The following SLC38A7 variants were observed in gnomAD, a reference collection of about 807,000 sequenced individuals.
The protein encoded by SLC38A7 is sodium-coupled neutral amino acid transporter 7.
In SLC38A7, 29 loss-of-function variants were observed where a neutral mutation model predicts 50.1. The observed-to-expected ratio is 0.58, with a 90% CI of 0.43 to 0.79. The LOEUF (loss-of-function observed/expected upper bound fraction) is 0.79, where lower values mean the gene tolerates loss of function less well. SLC38A7 is among the 30% of genes least tolerant of loss of function. The pLI is 0.00. For missense variants in SLC38A7, 483 were observed against 610.6 expected, an observed-to-expected ratio of 0.79 and a Z score of 2.20; for synonymous variants, 244 against 245.9, an observed-to-expected ratio of 0.99 and a Z score of 0.07.
rs910535210 is a variant in SLC38A7, at chr16:58,677,855, G to A, written c.612-431C>T. ...CACTTTTGTGTCAACATTTATGGGA[G>A]CCTTGGAGAGAGCGGAGCATGGCCC... On this transcript the variant is annotated intron_variant, in intron 5 of 11. Transcript: ENST00000219320. 4.6e-5 allele frequency among the ~76,000 whole-genome samples: 7 copies of A among 152,090 alleles called. No individual in the cohort carries two copies. The East Asian group carries it at 1.4e-3, about 29-fold the overall frequency.
intron 11 of SLC38A7, among the ~76,000 whole-genome samples, chr16:58,669,351 G>A (rs534274099): frequency 2.2e-4 from 34 of 151,976 alleles, no homozygotes; most frequent in Admixed American, 1.6e-3. Flanking sequence ...CTGACCTCGG[G>A]TGATCTGCCC....
chr16:58,680,895 C>A lies in SLC38A7; in HGVS notation c.-115-654G>T, dbSNP rs1340287601. Among the ~76,000 whole-genome samples the A allele has an allele frequency of 3.9e-5, 6 of 152,190 alleles. No individual in the cohort carries two copies. In the East Asian group the frequency reaches 1.2e-3, roughly 29 times the overall value. ...TGATTCATCCCATGCTTCTAATGCT[C>A]CCAACTCCTTTGCCGCCACCCTTTT... On this transcript the variant is annotated intron_variant, in intron 2 of 11. Transcript: ENST00000219320.
chr16:58,680,743 G>A (rs558023056), intron 2 of SLC38A7, among the ~76,000 whole-genome samples: 17 of 152,240 alleles, frequency 1.1e-4, no homozygotes, highest in Admixed American at 2.6e-4. Flanking sequence ...AGTCCAGCAC[G>A]CCTCCCGGTG....
Position 58,667,166 on chromosome 16 carries a change from C to A in SLC38A7, c.*219G>T. Reference sequence around the variant, plus strand: ...GTCCTCTATGATGTGAGACTTCCTGCCGCCATCCACGGCACTGCCAGGACT... The same window carrying A: ...GTCCTCTATGATGTGAGACTTCCTGACGCCATCCACGGCACTGCCAGGACT... On this transcript the variant is annotated 3_prime_UTR_variant, in exon 12 of 12. Coordinates refer to ENST00000219320, the MANE Select transcript of SLC38A7 (RefSeq NM_018231.3). 1 of 519,190 alleles carries A rather than the reference C, an allele frequency of 1.9e-6. No homozygotes were observed. Among genetic ancestry groups the A allele is most frequent in the Non-Finnish European group, 3.4e-6 (1 of 292,436 alleles). The allele number at this position is 519,190 out of a possible 1,614,324, so 32.2% of individuals were successfully genotyped here. A position where few individuals can be genotyped will look rare whatever the true frequency, so the allele number is the denominator to read the frequency against.
Position 58,679,942 on chromosome 16 carries a change from T to C in SLC38A7, c.185A>G (p.Asn62Ser), listed in dbSNP as rs1189654636. Reference sequence around the variant, plus strand: ...GAGTAACCCTGCACCCAGGCACGCGTTGACGACGATGAAGATGGCCCCAAG... The same window carrying C: ...GAGTAACCCTGCACCCAGGCACGCGCTGACGACGATGAAGATGGCCCCAAG... ...STLGAIFIVV[N>S]ACLGAGLLNF... is the part of the protein sequence containing the mutation. Residue 62 changes from asparagine (N) to serine (S), a missense_variant, in exon 3 of 12, where the codon AAC becomes AGC. Transcript: ENST00000219320. The C allele has an allele frequency of 3.1e-6, 5 of 1,611,900 alleles. No homozygotes were observed. Among genetic ancestry groups the C allele is most frequent in the South Asian group, 2.2e-5 (2 of 90,830 alleles).
At chr16:58,669,688 A>C (rs979272259) in intron 11 of SLC38A7, among the ~76,000 whole-genome samples, 5 of 152,012 alleles carry the variant, frequency 3.3e-5, no homozygotes, top group Non-Finnish European at 5.9e-5. Flanking sequence ...AAACAACAAC[A>C]ACCTGGCTGG....
rs1400781928 is a variant in SLC38A7 at position 58,667,355 on chromosome 16, A to G, written c.*30T>C. On this transcript the variant is annotated 3_prime_UTR_variant, in exon 12 of 12. Coordinates refer to ENST00000219320, the MANE Select transcript of SLC38A7 (RefSeq NM_018231.3). ...GAGATGGGTTCCTGCGACCAATGGC[A>G]AAGGCCTTGTGTTCCCTGGGAGGCA... The G allele has an allele frequency of 1.1e-5, 17 of 1,608,558 alleles. No homozygotes were observed. The highest frequency in any genetic ancestry group is 1.4e-5 in the Non-Finnish European group (17 of 1,175,208).
At position 58,678,716 on chromosome 16, in the gene SLC38A7, A is replaced by G. The variant is rs771694958; in HGVS notation, c.449T>C (p.Ile150Thr). The G allele has an allele frequency of 8.1e-6, 13 of 1,614,156 alleles. No homozygotes were observed. The highest frequency in any genetic ancestry group is 5.0e-5 in the Admixed American group (3 of 60,006). The change falls in exon 4 of 12, where the codon ATT (isoleucine) becomes ACT (threonine). Residue 150 changes from isoleucine to threonine, a missense_variant. Physicochemically the swap from Ile to Thr is moderately conservative, Grantham distance 89. Transcript: ENST00000219320. This position sits in a 1 kb window ranked among gnomAD's most constrained non-coding sequence, Gnocchi z 4.0. ...CTCACTCTTGTCCTGCTGGTCGCCAATGATGATTAGGAAGGCAATGCAGGT... is the reference window on the plus strand; with the variant it reads ...CTCACTCTTGTCCTGCTGGTCGCCAGTGATGATTAGGAAGGCAATGCAGGT... ...FGTCIAFLII[I>T]GDQQDKIIAV...
Position 58,671,139 on chromosome 16 carries a change from C to T in SLC38A7, c.1137G>A (p.Leu379=). The stretch of plus-strand genomic sequence containing the variant: ...TGAAGAGCGCCAGCAGCAGGGTGAG[C>T]AGGAACCAGACCAGCGTCTGCAGCA... ...RRVLQTLVWF[L]LTLLLALFIP... Residue 379 remains leucine (L), a synonymous_variant, in exon 10 of 12, where the codon CTG becomes CTA. Transcript: ENST00000219320. The T allele has an allele frequency of 3.1e-6, 5 of 1,614,012 alleles. No homozygotes were observed. Among genetic ancestry groups the T allele is most frequent in the Non-Finnish European group, 4.2e-6 (5 of 1,179,958 alleles).
chr16:58,672,699 C>T (rs555238192), intron 8 of SLC38A7, among the ~76,000 whole-genome samples: 16 of 152,144 alleles, frequency 1.1e-4, no homozygotes, highest in African/African-American at 2.2e-4. Flanking sequence ...CAGACTAGAG[C>T]GCAGTAGTGT....
intron 6 of SLC38A7, among the ~76,000 whole-genome samples, chr16:58,676,554 C>T (rs943765165): frequency 6.6e-6 from 1 of 152,228 alleles, no homozygotes; most frequent in Non-Finnish European, 1.5e-5. Context: ...GAAAAGCCCC[C>T]CTGGGGCCAA....
Position 58,679,869 on chromosome 16 carries a change from G to A in SLC38A7, c.258C>T (p.Ile86=), listed in dbSNP as rs772777147. 1.4e-5 allele frequency: 23 copies of A among 1,613,818 alleles called. No individual in the cohort carries two copies. The highest frequency in any genetic ancestry group is 1.3e-4 in the Admixed American group (8 of 60,020). The change falls in exon 3 of 12, where the codon ATC becomes ATT. Residue 86 remains isoleucine, a synonymous_variant. Transcript: ENST00000219320. The part of the protein sequence containing the change: ...FSTAGGVAAG[I]ALQMGMLVFI... ...CCAGTGCACTCACCATCTGCAGTGC[G>A]ATGCCTGCTGCCACGCCCCCCGCAG... is the stretch of plus-strand genomic sequence containing the variant.
rs5817157 is a variant in SLC38A7 at position 58,666,371 on chromosome 16, CTTTTTTTTTTTTT to C, written c.*1001_*1013del. 2.0e-5 allele frequency: 2 copies of C among 99,976 alleles called. No homozygotes were observed. 6.2% of individuals were successfully genotyped at this position (99,976 alleles called of 1,614,324 possible). ...CGTGAGCCACTGCGCCCAGCCCTGC[CTTTTTTTTTTTTT>C]TTTTTTTTTGTCTCTGGGTAGTCAC... is the stretch of plus-strand genomic sequence containing the variant. On this transcript the variant is annotated 3_prime_UTR_variant, in exon 12 of 12. Coordinates refer to ENST00000219320, the MANE Select transcript of SLC38A7 (RefSeq NM_018231.3).
Position 58,672,154 on chromosome 16 carries a change from G to A in SLC38A7, c.973C>T (p.Arg325Ter), listed in dbSNP as rs894280151. 8 of 1,564,754 alleles carry A rather than the reference G, an allele frequency of 5.1e-6. No homozygotes were observed. The highest frequency in any genetic ancestry group is 2.4e-5 in the South Asian group (2 of 84,778). Residue 325 changes from arginine to a stop codon, truncating the protein, a stop_gained, in exon 9 of 12, where the codon CGA (arginine) becomes TGA (stop). Coordinates refer to ENST00000219320, the MANE Select transcript of SLC38A7 (RefSeq NM_018231.3). LOFTEE classifies it high-confidence loss of function. Reference sequence around the variant, plus strand: ...AGCACGCTCAGGATGATGAAGGCTCGGGCAACGGCCACGGCCATGTCCTCC... The same window carrying A: ...AGCACGCTCAGGATGATGAAGGCTCAGGCAACGGCCACGGCCATGTCCTCC... ...PSEDMAVAVA[R>*]AFIILSVLTS...
chr16:58,672,243 C>T lies in SLC38A7; in HGVS notation c.884G>A (p.Gly295Asp). 6.3e-7 allele frequency: 1 copy of T among 1,580,554 alleles called. No individual in the cohort carries two copies. Among genetic ancestry groups the T allele is most frequent in the Non-Finnish European group, 8.6e-7 (1 of 1,163,000 alleles). Residue 295 changes from glycine (G) to aspartate (D), a missense_variant and splice_region_variant, in exon 9 of 12, where the codon GGC becomes GAC. By Grantham distance (94) the Gly-to-Asp change is moderately conservative. Transcript: ENST00000219320. ...TCCAAAGGTCAGGAAGCCACAGATG[C>T]CTGTGGGCAGGGACAACTGGGTCAG... ...VIALAVYMGTGICGFLTFGAA... is the reference protein window; with the variant it reads ...VIALAVYMGTDICGFLTFGAA...
chr16:58,672,373 G>A (rs1371797625), intron 8 of SLC38A7, 130 bp from the exon 9 acceptor site: 2 of 989,698 alleles, frequency 2.0e-6, no homozygotes, highest in Non-Finnish European at 2.9e-6. Context: ...GAGGCTCAGA[G>A]TGGGAGATGG....
intron 2 of SLC38A7, chr16:58,681,411 G>A (rs1246071118): frequency 6.7e-6 from 1 of 150,358 alleles, no homozygotes; most frequent in Non-Finnish European, 1.5e-5. Flanking sequence ...TTTGCTCTCT[G>A]GATAAACACA....
At chr16:58,674,525 C>A (rs9926506) in intron 8 of SLC38A7, among the ~76,000 whole-genome samples, 1 of 152,010 alleles carries the variant, frequency 6.6e-6, no homozygotes, top group Non-Finnish European at 1.5e-5. Flanking sequence ...GAACCTCCCA[C>A]CTTGGCCTCC....
Position 58,666,484 on chromosome 16 carries a change from G to T in SLC38A7, c.*901C>A, listed in dbSNP as rs2044037202. ...ACATCACTGAAAAAGAAGGTGTCGG[G>T]GAGGTACACCCTGATTCTGACCAGC... On this transcript the variant is annotated 3_prime_UTR_variant, in exon 12 of 12. Coordinates refer to ENST00000219320, the MANE Select transcript of SLC38A7 (RefSeq NM_018231.3). 6.6e-6 allele frequency: 1 copy of T among 152,426 alleles called. No individual in the cohort carries two copies. Among genetic ancestry groups the T allele is most frequent in the Non-Finnish European group, 1.5e-5 (1 of 68,252 alleles). The allele number at this position is 152,426 out of a possible 1,614,324, so 9.4% of individuals were successfully genotyped here.
Sources: gnomAD v4.1 joint callset for allele counts (sites outside exome capture counted in the v4.1 genomes callset) on GRCh38, gnomAD v4.1.1 for gene constraint, Gnocchi (gnomAD v3.1) non-coding constraint, MANE v1.5 for transcripts, NCBI Gene and HGNC (gene_info 2026-07-23, HGNC 2026-07-21) for gene names.